R3HDM2: variants seen among roughly 807,000 people sequenced by gnomAD.
R3HDM2 encodes the protein R3H domain containing 2, also known as R3H domain-containing protein 2.
A neutral mutation model predicts 124.5 loss-of-function variants in R3HDM2; 38 were observed. The ratio of observed to expected loss-of-function variants is 0.31; its 90% CI spans 0.24 to 0.40. The LOEUF is 0.40. R3HDM2 is among the 10% of genes least tolerant of loss of function. The pLI, the probability that R3HDM2 is intolerant of heterozygous loss-of-function variation, is 1.00. For synonymous variants in R3HDM2, 391 were observed against 448.0 expected (o/e 0.87, Z 1.61); for missense variants, 869 against 1,236.9 (o/e 0.70, Z 4.46).
chr12:57,363,829 C>T (rs998727369), intron 2 of R3HDM2, among the ~76,000 whole-genome samples: 3 of 151,700 alleles, frequency 2.0e-5, no homozygotes, highest in Admixed American at 6.6e-5. Context: ...AGGATCACAC[C>T]ACTGTGCTCC....
intron 1 of R3HDM2, among the ~76,000 whole-genome samples, chr12:57,414,157 C>A (rs943695896): frequency 6.7e-6 from 1 of 150,344 alleles, no homozygotes; most frequent in Admixed American, 6.6e-5. Context: ...CCCACTCTAT[C>A]TTTTTTTTAC....
chr12:57,365,572 T>C lies in R3HDM2; in HGVS notation c.-36+30177A>G, dbSNP rs1048062923. Among the ~76,000 whole-genome samples the C allele has an allele frequency of 2.6e-5, 4 of 152,214 alleles. No homozygotes were observed. The East Asian group carries it at 5.8e-4, about 22-fold the overall frequency. On this transcript the variant is annotated intron_variant, in intron 2 of 23. Transcript: ENST00000402412. ...TCTGTTGGGATCACACAGATCCAAA[T>C]GGCTCAAAGAACTCAAAACAGAAAA...
rs564795817 is a variant in R3HDM2 at position 57,269,492 on chromosome 12, C to T, written c.1588-43G>A. On this transcript the variant is annotated intron_variant, in intron 15 of 23. Coordinates refer to ENST00000402412, the MANE Select transcript of R3HDM2 (RefSeq NM_001394031.1). ...AGATGTGTGAGAAGTCCCTAAAATT[C>T]AGCCGCAACATCAGCATACTACTAT... 5 of 1,605,764 alleles carry T rather than the reference C, an allele frequency of 3.1e-6. No individual in the cohort carries two copies. In the African/African-American group the frequency reaches 5.4e-5, roughly 17 times the overall value.
At chr12:57,270,063 CAGAG>C in intron 14 of R3HDM2, 69 bp from the exon 15 acceptor site, 8 of 1,566,068 alleles carry the variant, frequency 5.1e-6, no homozygotes, top group Non-Finnish European at 6.1e-6. Context: ...TCAACATAGA[CAGAG>C]AGAAATAGCA....
intron 1 of R3HDM2, among the ~76,000 whole-genome samples, chr12:57,416,524 AC>A (rs2069622703): frequency 1.3e-5 from 2 of 152,178 alleles, no homozygotes; most frequent in Admixed American, 1.3e-4. Flanking sequence ...AAAAGCACAG[AC>A]TTCAGGCCAG....
chr12:57,256,357 G>T (rs1345359010), intron 22 of R3HDM2, 57 bp downstream of exon 22: 1 of 1,378,226 alleles, frequency 7.3e-7, no homozygotes, highest in African/African-American at 1.5e-5. Context: ...TCAGACACAG[G>T]CACCCAAATA....
intron 2 of R3HDM2, among the ~76,000 whole-genome samples, chr12:57,380,982 C>T (rs2064784317): frequency 6.6e-6 from 1 of 152,076 alleles, no homozygotes; most frequent in African/African-American, 2.4e-5. Flanking sequence ...GTAATCCCAG[C>T]ACTTTCGGAG....
intron 2 of R3HDM2, among the ~76,000 whole-genome samples, chr12:57,351,440 A>G (rs1300807279): frequency 1.3e-5 from 2 of 152,234 alleles, no homozygotes; most frequent in Non-Finnish European, 2.9e-5. Flanking sequence ...AAAGGAAGCA[A>G]TAAGTAAGGC....
At chr12:57,255,960 C>T in intron 23 of R3HDM2, 30 bp downstream of exon 23, 1 of 1,596,388 alleles carries the variant, frequency 6.3e-7, no homozygotes, top group Non-Finnish European at 8.6e-7. Context: ...TGGGCACCTT[C>T]TCTTGGGGAT....
At chr12:57,422,691 A>G (rs1461822927) in intron 1 of R3HDM2, among the ~76,000 whole-genome samples, 1 of 152,248 alleles carries the variant, frequency 6.6e-6, no homozygotes, top group Non-Finnish European at 1.5e-5. Context: ...TTTAAAGGAC[A>G]GGGGCCAGGT....
At position 57,294,627 on chromosome 12, in the gene R3HDM2, C is replaced by A. The variant is rs149961325; in HGVS notation, c.810+772G>T. 4.6e-3 allele frequency among the ~76,000 whole-genome samples: 698 copies of A among 152,238 alleles called. 4 individuals carry two copies. Among genetic ancestry groups the A allele is most frequent in the Admixed American group, 4.4e-3 (68 of 15,292 alleles). On this transcript the variant is annotated intron_variant, in intron 10 of 23. Transcript: ENST00000402412. ...CAAGATTAATGTAGGCTCTACTCAA[C>A]CACGCTCTTCAAATCGAATCCCTTT...
intron 1 of R3HDM2, among the ~76,000 whole-genome samples, chr12:57,397,962 T>A (rs1402793285): frequency 6.6e-6 from 1 of 152,124 alleles, no homozygotes; most frequent in African/African-American, 2.4e-5. Context: ...GGCGGGCGAA[T>A]CACGAGCTCA....
intron 2 of R3HDM2, among the ~76,000 whole-genome samples, chr12:57,329,174 G>A (rs979119295): frequency 3.9e-5 from 6 of 152,120 alleles, no homozygotes; most frequent in Admixed American, 3.9e-4. Flanking sequence ...CTTTTATGGA[G>A]GATATAAGGG....
At chr12:57,307,719 C>A (rs139331838) in intron 3 of R3HDM2, among the ~76,000 whole-genome samples, 1 of 150,572 alleles carries the variant, frequency 6.6e-6, no homozygotes, top group Non-Finnish European at 1.5e-5. Flanking sequence ...CTCTGCCTCC[C>A]GGGTTCAAGC....
chr12:57,297,524 C>T (rs192275327), intron 7 of R3HDM2, 137 bp from the exon 8 acceptor site: 2 of 540,178 alleles, frequency 3.7e-6, no homozygotes, highest in Non-Finnish European at 6.5e-6. Flanking sequence ...AGTAATGAAC[C>T]ATAATGCTGC....
intron 1 of R3HDM2, among the ~76,000 whole-genome samples, chr12:57,420,912 AT>A (rs1309376592): frequency 6.6e-6 from 1 of 152,122 alleles, no homozygotes; most frequent in Non-Finnish European, 1.5e-5. Flanking sequence ...CCTAGCAGGC[AT>A]TTCCATATGG....
In R3HDM2 at chr12:57,284,031, T is replaced by G. The variant is rs1170365661; in HGVS notation, c.964A>C (p.Thr322Pro). The G allele has an allele frequency of 6.2e-7, 1 of 1,608,312 alleles. No individual in the cohort carries two copies. The highest frequency in any genetic ancestry group is 8.5e-7 in the Non-Finnish European group (1 of 1,177,376). ...IRGNREGLSR[T>P]SSSRQSSTDS... is the part of the protein sequence containing the mutation. ...GTGCTGCTCTGGCGGCTGCTTGAGG[T>G]GCGGCTCAGTCCTTCACGGTTCCCC... is the stretch of plus-strand genomic sequence containing the variant. The change falls in exon 13 of 24, where the codon ACC becomes CCC. Residue 322 changes from threonine (T) to proline (P), a missense_variant. This residue lies in a region of R3HDM2 where 267 missense variants were observed against 447.7 expected (regional missense o/e 0.60). Transcript: ENST00000402412.
chr12:57,303,265 TG>T (rs1339321041), intron 3 of R3HDM2, 48 bp from the exon 4 acceptor site: 1 of 1,437,574 alleles, frequency 7.0e-7, no homozygotes, highest in Non-Finnish European at 9.6e-7. Flanking sequence ...AAAATCGACA[TG>T]TAAGTTAAAA....
rs139098492 is a variant in R3HDM2 at position 57,258,613 on chromosome 12, G to T, written c.2301+277C>A. Among the ~76,000 whole-genome samples, 1,071 of 152,120 alleles carry T rather than the reference G, an allele frequency of 7.0e-3. 13 individuals carry two copies. Among genetic ancestry groups the T allele is most frequent in the African/African-American group, 0.024 (1,013 of 41,484 alleles). On this transcript the variant is annotated intron_variant, in intron 20 of 23. Transcript: ENST00000402412. ...GTCCTCCCAAAGTGCTGGGATTACC[G>T]GTGTGCGCCACCATGCCTGGCCCAT...
Sources: gnomAD v4.1 joint callset for allele counts (sites outside exome capture counted in the v4.1 genomes callset) on GRCh38, gnomAD v4.1.1 for gene constraint, gnomAD v4.1.1 regional missense constraint, MANE v1.5 for transcripts, NCBI Gene and HGNC (gene_info 2026-07-23, HGNC 2026-07-21) for gene names.